HDAC9: variants seen among roughly 807,000 people sequenced by gnomAD.
The protein encoded by HDAC9 is MEF-2 interacting transcription repressor (MITR) protein.
A neutral mutation model predicts 139.4 loss-of-function variants in HDAC9; 41 were observed. The observed-to-expected ratio is 0.29, with a 90% confidence interval of 0.23 to 0.38. The LOEUF is 0.38. Among genes scored for constraint, HDAC9 ranks in the 10% least tolerant of loss-of-function variants. HDAC9 has a pLI of 1.00. For synonymous variants in HDAC9, 517 were observed against 476.2 expected, an observed-to-expected ratio of 1.09 and a Z score of -1.12; for missense variants, 1,147 against 1,297.0, an observed-to-expected ratio of 0.88 and a Z score of 1.78.
intron 2 of HDAC9, among the ~76,000 whole-genome samples, chr7:18,178,303 T>G (rs1417391240): frequency 6.6e-6 from 1 of 152,240 alleles, no homozygotes; most frequent in Non-Finnish European, 1.5e-5. Flanking sequence ...CAGACTTGTC[T>G]CGAACTTCTG....
chr7:18,121,993 T>C (rs990447921), intron 1 of HDAC9, among the ~76,000 whole-genome samples: 19 of 151,960 alleles, frequency 1.3e-4, no homozygotes, highest in African/African-American at 4.3e-4. Flanking sequence ...CAACCTTTTA[T>C]GAAATGAAGG....
chr7:18,834,393 A>C (rs1796074470), intron 19 of HDAC9, among the ~76,000 whole-genome samples: 2 of 150,636 alleles, frequency 1.3e-5, no homozygotes, highest in African/African-American at 4.9e-5. Flanking sequence ...TTTTTTTTAC[A>C]CTTGAGGTCT....
chr7:18,507,962 G>A (rs906428213), intron 2 of HDAC9, among the ~76,000 whole-genome samples: 8 of 152,152 alleles, frequency 5.3e-5, no homozygotes, highest in African/African-American at 1.9e-4. Flanking sequence ...TTAATGAGCG[G>A]GTCGAAGACT....
chr7:18,896,681 A>G (rs1801228956), intron 22 of HDAC9, among the ~76,000 whole-genome samples: 2 of 152,200 alleles, frequency 1.3e-5, no homozygotes, highest in East Asian at 1.9e-4. Context: ...AATTTTAACA[A>G]TGTGTTATAA....
At position 18,930,439 on chromosome 7, in the gene HDAC9, CTCTAA is replaced by C. The variant is rs1159468269; in HGVS notation, c.2804-5364_2804-5360del. ...ATGCCTACTAAAATTGTTATATATG[CTCTAA>C]TCTAACACACACATACACACAAACA... On this transcript the variant is annotated intron_variant, in intron 22 of 25. Coordinates refer to ENST00000686413, the MANE Select transcript of HDAC9 (RefSeq NM_178425.4). Among the ~76,000 whole-genome samples the C allele has an allele frequency of 1.1e-4, 17 of 151,812 alleles. No homozygotes were observed. In the East Asian group the frequency reaches 3.3e-3, roughly 30 times the overall value.
rs1585269800 is a variant in HDAC9, at chr7:18,903,367, T to A, written c.2803+28771T>A. On this transcript the variant is annotated intron_variant, in intron 22 of 25. Coordinates refer to ENST00000686413, the MANE Select transcript of HDAC9 (RefSeq NM_178425.4). ...TTGTGTGGCGCCTAAGCAATGGTGT[T>A]AGACCAAAATCAGGGAATCGGTAAT... 2.0e-5 allele frequency among the ~76,000 whole-genome samples: 3 copies of A among 152,366 alleles called. No homozygotes were observed. The South Asian group carries it at 6.2e-4, about 32-fold the overall frequency.
chr7:18,810,424 C>A (rs1333086742), intron 17 of HDAC9, among the ~76,000 whole-genome samples: 3 of 151,586 alleles, frequency 2.0e-5, no homozygotes, highest in African/African-American at 7.2e-5. Flanking sequence ...CAACCAGTTT[C>A]CCAAGATTCA....
intron 2 of HDAC9, among the ~76,000 whole-genome samples, chr7:18,171,189 T>G (rs921405602): frequency 2.8e-4 from 43 of 152,314 alleles, no homozygotes; most frequent in African/African-American, 1.0e-3. Flanking sequence ...TCCTAGGTAT[T>G]TTATTCTCTT....
intron 1 of HDAC9, among the ~76,000 whole-genome samples, chr7:18,091,898 C>T (rs761492216): frequency 2.0e-5 from 3 of 152,172 alleles, no homozygotes; most frequent in Non-Finnish European, 4.4e-5. Flanking sequence ...CCATGTGGCC[C>T]TCTCATAGGT....
chr7:18,835,789 G>A, intron 20 of HDAC9, 111 bp from the exon 21 acceptor site: 1 of 971,934 alleles, frequency 1.0e-6, no homozygotes, highest in Non-Finnish European at 1.6e-6. Flanking sequence ...CTGATTTGAT[G>A]TGTTGTTTGA....
chr7:18,151,575 G>A (rs1181590803), intron 1 of HDAC9, among the ~76,000 whole-genome samples: 1 of 152,190 alleles, frequency 6.6e-6, no homozygotes, highest in Non-Finnish European at 1.5e-5. Flanking sequence ...AGAGATGATA[G>A]AAAAGCTGCA....
chr7:18,994,007 C>G (rs958061259), intron 25 of HDAC9, among the ~76,000 whole-genome samples: 1 of 152,104 alleles, frequency 6.6e-6, no homozygotes, highest in Non-Finnish European at 1.5e-5. Flanking sequence ...CTGTTTCAAC[C>G]AAAGAGGCTT....
Position 18,859,852 on chromosome 7 carries a change from A to G in HDAC9, c.2685-14626A>G, listed in dbSNP as rs1237774189. On this transcript the variant is annotated intron_variant, in intron 21 of 25. Transcript: ENST00000686413. The stretch of plus-strand genomic sequence containing the variant: ...TATATATATATATATATATATATAT[A>G]TATATATGTGAGAGAATGAGAGAGA... Among the ~76,000 whole-genome samples the G allele has an allele frequency of 7.3e-3, 905 of 124,664 alleles. 11 individuals carry two copies. The highest frequency in any genetic ancestry group is 9.7e-3 in the Non-Finnish European group (581 of 59,722). The allele number at this position is 124,664 out of a possible 152,430, so 81.8% of individuals were successfully genotyped here.
chr7:18,316,617 C>A (rs1398542396), intron 1 of HDAC9, among the ~76,000 whole-genome samples: 2 of 98,432 alleles, frequency 2.0e-5, no homozygotes, highest in African/African-American at 7.9e-5. Context: ...GGCAACATGG[C>A]GAAACCAGAT....
At chr7:18,895,233 C>CT (rs1245466185) in intron 22 of HDAC9, among the ~76,000 whole-genome samples, 2 of 152,014 alleles carry the variant, frequency 1.3e-5, no homozygotes. Context: ...TCAGGCCCCG[C>CT]TAGGCAGAGA....
At chr7:18,238,340 G>C (rs1029820718) in intron 2 of HDAC9, among the ~76,000 whole-genome samples, 6 of 152,138 alleles carry the variant, frequency 3.9e-5, no homozygotes, top group Admixed American at 2.0e-4. Flanking sequence ...TGCGTTGCTT[G>C]CAAAGGCATG....
intron 16 of HDAC9, among the ~76,000 whole-genome samples, chr7:18,772,684 T>G (rs1489101531): frequency 6.6e-6 from 1 of 152,010 alleles, no homozygotes; most frequent in Non-Finnish European, 1.5e-5. Context: ...TATCTCCTCT[T>G]CCTAACTGTA....
At chr7:18,903,796 A>G (rs1038024504) in intron 22 of HDAC9, among the ~76,000 whole-genome samples, 1 of 152,184 alleles carries the variant, frequency 6.6e-6, no homozygotes, top group African/African-American at 2.4e-5. Flanking sequence ...CCGTTAGTCG[A>G]GAATGTACCA....
rs542649307 is a variant in HDAC9, at chr7:18,529,764, A to G, written c.22+33440A>G. Among the ~76,000 whole-genome samples, 3 of 152,308 alleles carry G rather than the reference A, an allele frequency of 2.0e-5. No individual in the cohort carries two copies. The South Asian group carries it at 6.2e-4, about 32-fold the overall frequency. ...AGTCTTGAACTCATTGGATTCACCA[A>G]TGTTTAAAATCTTTATTGCACCAAT... On this transcript the variant is annotated intron_variant, in intron 2 of 25. Transcript: ENST00000686413.
Sources: gnomAD v4.1 joint callset for allele counts (sites outside exome capture counted in the v4.1 genomes callset) on GRCh38, gnomAD v4.1.1 for gene constraint, MANE v1.5 for transcripts, NCBI Gene and HGNC (gene_info 2026-07-23, HGNC 2026-07-21) for gene names.